The following DCLK2 variants were observed in gnomAD, a reference collection of about 807,000 sequenced individuals.
DCLK2 encodes doublecortin like kinase 2, also known as serine/threonine-protein kinase DCLK2.
A neutral mutation model predicts 78.4 loss-of-function variants in DCLK2; 31 were observed. The ratio of observed to expected loss-of-function variants is 0.40; its 90% CI spans 0.30 to 0.53. DCLK2 has a LOEUF of 0.53. DCLK2 is among the 20% of genes least tolerant of loss of function. The probability of loss-of-function intolerance (pLI) is 0.61; values close to 1 mark genes in which losing one functional copy is unlikely to be tolerated. For synonymous variants in DCLK2, 407 were observed against 374.9 expected, an observed-to-expected ratio of 1.09 and a Z score of -0.99; for missense variants, 872 against 973.7, an observed-to-expected ratio of 0.90 and a Z score of 1.39.
chr4:150,136,931 T>G (rs866499708), intron 2 of DCLK2, among the ~76,000 whole-genome samples: 1 of 151,848 alleles, frequency 6.6e-6, no homozygotes, highest in Middle Eastern at 3.4e-3. Context: ...AGCATATAAC[T>G]GTAATTCCAA....
At chr4:150,233,003 T>C (rs181163400) in intron 10 of DCLK2, among the ~76,000 whole-genome samples, 175 bp downstream of exon 10, 59 of 152,356 alleles carry the variant, frequency 3.9e-4, no homozygotes, top group Middle Eastern at 3.4e-3. Flanking sequence ...TTCTTGAATT[T>C]TTCTGCATTT....
chr4:150,155,561 G>GT (rs1171718331), intron 2 of DCLK2, among the ~76,000 whole-genome samples: 3 of 152,174 alleles, frequency 2.0e-5, no homozygotes, highest in African/African-American at 7.2e-5. Flanking sequence ...CAGTGACCAT[G>GT]GAAACGTGGC....
intron 2 of DCLK2, among the ~76,000 whole-genome samples, chr4:150,152,335 GCAGTGGCACGAT>G (rs1279048857): frequency 2.0e-5 from 3 of 152,204 alleles, no homozygotes; most frequent in Non-Finnish European, 4.4e-5. Flanking sequence ...AAGCTGGAGT[GCAGTGGCACGAT>G]CTTGGCTCAC....
intron 2 of DCLK2, among the ~76,000 whole-genome samples, chr4:150,131,089 C>G (rs1733278569): frequency 6.6e-6 from 1 of 152,076 alleles, no homozygotes; most frequent in South Asian, 2.1e-4. Context: ...GTGGTGTGAT[C>G]ATAGCTCACT....
At chr4:150,130,100 T>C (rs1159555593) in intron 2 of DCLK2, among the ~76,000 whole-genome samples, 5 of 152,142 alleles carry the variant, frequency 3.3e-5, no homozygotes, top group Non-Finnish European at 7.3e-5. Context: ...TTTAATAGGA[T>C]AATTTATTTG....
intron 2 of DCLK2, among the ~76,000 whole-genome samples, chr4:150,182,087 G>C (rs1737573511): frequency 6.7e-6 from 1 of 149,446 alleles, no homozygotes; most frequent in Non-Finnish European, 1.5e-5. Flanking sequence ...TCACTCTCTT[G>C]TCCAGGCTGG....
intron 5 of DCLK2, among the ~76,000 whole-genome samples, chr4:150,211,449 C>T (rs751297229): frequency 2.2e-4 from 34 of 152,132 alleles, no homozygotes; most frequent in Non-Finnish European, 8.8e-5. Context: ...AGAGACATCA[C>T]AAGGGCATGA....
intron 1 of DCLK2, among the ~76,000 whole-genome samples, chr4:150,099,284 C>A (rs972023294): frequency 6.6e-6 from 1 of 152,116 alleles, no homozygotes; most frequent in African/African-American, 2.4e-5. Context: ...AGCTTGAACT[C>A]CTGGGCACAA....
chr4:150,207,564 C>T (rs988027138), intron 5 of DCLK2, among the ~76,000 whole-genome samples: 20 of 152,102 alleles, frequency 1.3e-4, no homozygotes, highest in African/African-American at 3.6e-4. Context: ...GGTACTCTTA[C>T]GAGAAAGATG....
chr4:150,158,907 G>T (rs76289117), intron 2 of DCLK2, among the ~76,000 whole-genome samples: 3,347 of 152,072 alleles, frequency 0.022, 110 homozygotes, highest in African/African-American at 0.073. Flanking sequence ...ACAACCCAAG[G>T]TTCCTCAGGC....
chr4:150,230,599 A>C (rs1320912611), intron 8 of DCLK2, among the ~76,000 whole-genome samples: 1 of 152,220 alleles, frequency 6.6e-6, no homozygotes, highest in South Asian at 2.1e-4. Context: ...ACATGTTCAC[A>C]AAAGTGTATC....
intron 3 of DCLK2, among the ~76,000 whole-genome samples, chr4:150,196,350 T>TAC (rs1241007425): frequency 6.6e-6 from 1 of 152,202 alleles, no homozygotes; most frequent in Non-Finnish European, 1.5e-5. Flanking sequence ...TCTAATAATC[T>TAC]ACACACACCT....
chr4:150,207,794 G>GA (rs1434522552), intron 5 of DCLK2, among the ~76,000 whole-genome samples: 1 of 152,122 alleles, frequency 6.6e-6, no homozygotes, highest in Non-Finnish European at 1.5e-5. Flanking sequence ...TAGTATTAAA[G>GA]AAAAAACACT....
At chr4:150,217,456 C>T (rs965663670) in intron 5 of DCLK2, among the ~76,000 whole-genome samples, 1 of 152,168 alleles carries the variant, frequency 6.6e-6, no homozygotes, top group Non-Finnish European at 1.5e-5. Context: ...AACACAAGCT[C>T]AGATTTGTGC....
Position 150,079,063 on chromosome 4 carries a change from T to C in DCLK2, c.36T>C (p.Phe12=), listed in dbSNP as rs777846478. The C allele has an allele frequency of 6.4e-6, 10 of 1,555,282 alleles. No individual in the cohort carries two copies. The East Asian group carries it at 1.3e-4, about 21-fold the overall frequency. ...CCAGGAGTATCGAGCTGGAGCACTT[T>C]GAGGAACGGGACAAAAGGCCGCGGC... ...ASTRSIELEH[F]EERDKRPRPG... Residue 12 remains phenylalanine (F), a synonymous_variant, in exon 1 of 16, where the codon TTT becomes TTC. Coordinates refer to ENST00000296550, the MANE Select transcript of DCLK2 (RefSeq NM_001040260.4).
chr4:150,193,292 T>G (rs533478611), intron 3 of DCLK2, 52 bp downstream of exon 3: 1 of 1,263,682 alleles, frequency 7.9e-7, no homozygotes, highest in East Asian at 2.4e-5. Context: ...ACCCCTGAAA[T>G]GAAGGCTTGG....
At chr4:150,187,893 C>T (rs9997489) in intron 2 of DCLK2, among the ~76,000 whole-genome samples, 2 of 151,060 alleles carry the variant, frequency 1.3e-5, no homozygotes, top group Admixed American at 1.3e-4. Context: ...TCTGCCTCCC[C>T]GGTTCAAGCG....
chr4:150,121,352 T>C (rs1732524711), intron 2 of DCLK2, among the ~76,000 whole-genome samples: 1 of 152,244 alleles, frequency 6.6e-6, no homozygotes, highest in Admixed American at 6.5e-5. Flanking sequence ...TTGTTGCCAT[T>C]TCAACAATGT....
At chr4:150,199,177 C>G (rs1477901663) in intron 4 of DCLK2, 19 of 1,105,186 alleles carry the variant, frequency 1.7e-5, no homozygotes, top group Non-Finnish European at 2.5e-5. Flanking sequence ...ATGAATGTAT[C>G]TGGCTTATTC....
Sources: allele counts gnomAD v4.1 joint callset (sites outside exome capture counted in the v4.1 genomes callset), GRCh38; gene constraint gnomAD v4.1.1; transcripts MANE v1.5; gene names NCBI Gene and HGNC (gene_info 2026-07-23, HGNC 2026-07-21).